AOPEP: variants seen among roughly 807,000 people sequenced by gnomAD.
AOPEP encodes the protein aminopeptidase O.
Under a neutral mutation model 98.1 loss-of-function variants are expected in AOPEP, and 77 were observed. That is an observed-to-expected ratio of 0.78 (90% CI 0.65 to 0.95). AOPEP has a LOEUF of 0.95. Among genes scored for constraint, AOPEP ranks in the 40% least tolerant of loss-of-function variants. AOPEP has a pLI of 0.00. For synonymous variants in AOPEP, 346 were observed against 365.3 expected, an observed-to-expected ratio of 0.95 and a Z score of 0.60; for missense variants, 1,024 against 1,024.7, an observed-to-expected ratio of 1.00 and a Z score of 0.01.
intron 7 of AOPEP, among the ~76,000 whole-genome samples, chr9:94,940,815 G>A (rs117025261): frequency 7.2e-4 from 109 of 152,046 alleles, no homozygotes; most frequent in African/African-American, 2.4e-3. Flanking sequence ...CCTCATGTCC[G>A]CATGGCTCTG....
At chr9:94,883,473 C>T (rs1198222748) in intron 5 of AOPEP, among the ~76,000 whole-genome samples, 1 of 152,144 alleles carries the variant, frequency 6.6e-6, no homozygotes, top group East Asian at 1.9e-4. Flanking sequence ...GAACAGTTGG[C>T]TGCCTGTCAA....
At chr9:94,871,759 C>A (rs912439882) in intron 5 of AOPEP, among the ~76,000 whole-genome samples, 4 of 152,148 alleles carry the variant, frequency 2.6e-5, no homozygotes, top group African/African-American at 9.7e-5. Flanking sequence ...GTAATCCCAG[C>A]ACTTTCAGAG....
intron 3 of AOPEP, among the ~76,000 whole-genome samples, chr9:94,779,083 A>C (rs1178932854): frequency 6.6e-6 from 1 of 152,068 alleles, no homozygotes; most frequent in Non-Finnish European, 1.5e-5. Flanking sequence ...TTTAGGTGTC[A>C]ACTTGACTGG....
the AOPEP span, among the ~76,000 whole-genome samples, chr9:95,148,110 C>A: frequency 2.0e-5 from 3 of 152,206 alleles, no homozygotes; most frequent in African/African-American, 7.2e-5. Flanking sequence ...CACCACCACA[C>A]ACACACAGTC....
intron 13 of AOPEP, among the ~76,000 whole-genome samples, chr9:95,026,230 C>T (rs1008591853): frequency 2.0e-5 from 3 of 152,156 alleles, no homozygotes; most frequent in Non-Finnish European, 4.4e-5. Context: ...ATTTACGTGC[C>T]ATAAACAATT....
the AOPEP span, among the ~76,000 whole-genome samples, chr9:95,136,802 A>T: frequency 6.6e-6 from 1 of 152,200 alleles, no homozygotes; most frequent in African/African-American, 2.4e-5. Context: ...CATTTTGTGT[A>T]GCTACATTTG....
chr9:95,005,439 G>T, intron 12 of AOPEP, 103 bp from the exon 13 acceptor site: 3 of 1,203,842 alleles, frequency 2.5e-6, no homozygotes, highest in Non-Finnish European at 2.5e-6. Flanking sequence ...GAGGTGCGGG[G>T]AAGACCAGGT....
intron 3 of AOPEP, among the ~76,000 whole-genome samples, chr9:94,789,904 C>T (rs1014871287): frequency 1.4e-4 from 21 of 150,710 alleles, no homozygotes; most frequent in Non-Finnish European, 2.1e-4. Flanking sequence ...GACGGAGTCT[C>T]GCTCTGTGGC....
Position 95,082,678 on chromosome 9 carries a change from GGTCCT to G in AOPEP, c.2424_2428del (p.Arg808SerfsTer26). ...GAGCGGACCAAGGAGCAGATGGATA[GGTCCT>G]CAGCCCAGGTGGTGGCCGAAATGTT... is the stretch of plus-strand genomic sequence containing the variant. On this transcript the variant is annotated frameshift_variant, in exon 16 of 17. Transcript: ENST00000375315. LOFTEE classifies it high-confidence loss of function. 1 of 1,614,250 alleles carries G rather than the reference GGTCCT, an allele frequency of 6.2e-7. No homozygotes were observed. The highest frequency in any genetic ancestry group is 8.5e-7 in the Non-Finnish European group (1 of 1,180,042).
At chr9:95,139,237 G>A in the AOPEP span, among the ~76,000 whole-genome samples, 4 of 152,148 alleles carry the variant, frequency 2.6e-5, no homozygotes, top group East Asian at 1.9e-4. Context: ...GAAACGCACC[G>A]ACGTGGTCTC....
chr9:94,790,164 C>T (rs1271750668), intron 3 of AOPEP, among the ~76,000 whole-genome samples: 6 of 151,500 alleles, frequency 4.0e-5, no homozygotes, highest in East Asian at 2.0e-4. Flanking sequence ...CGTGAGCCAC[C>T]GCGCCCGGCC....
intron 4 of AOPEP, among the ~76,000 whole-genome samples, chr9:94,799,431 G>A (rs1384148017): frequency 1.3e-5 from 2 of 151,970 alleles, no homozygotes; most frequent in Middle Eastern, 3.4e-3. Context: ...GCTGGATGTG[G>A]CATGGCAACA....
intron 13 of AOPEP, among the ~76,000 whole-genome samples, chr9:95,005,820 A>G (rs114534762): frequency 0.016 from 2,453 of 152,350 alleles, 67 homozygotes; most frequent in African/African-American, 0.055. Context: ...AGGAGAGAGT[A>G]GCCCATGAAA....
intron 2 of AOPEP, among the ~76,000 whole-genome samples, chr9:94,765,392 G>A (rs1352025970): frequency 1.3e-5 from 2 of 149,800 alleles, no homozygotes; most frequent in East Asian, 2.0e-4. Flanking sequence ...TTGAGTTGAG[G>A]AGTTCAAGAC....
the AOPEP span, among the ~76,000 whole-genome samples, chr9:95,098,636 G>A: frequency 6.6e-6 from 1 of 152,208 alleles, no homozygotes. Context: ...CCTCCCAGAG[G>A]GGCCTGTGGG....
At chr9:95,028,852 T>G (rs2064058213) in intron 13 of AOPEP, among the ~76,000 whole-genome samples, 1 of 152,234 alleles carries the variant, frequency 6.6e-6, no homozygotes. Context: ...TAGAGCATTG[T>G]ATTAGAATTT....
chr9:95,084,466 A>G (rs1373964219), intron 16 of AOPEP, among the ~76,000 whole-genome samples: 1 of 152,226 alleles, frequency 6.6e-6, no homozygotes, highest in Non-Finnish European at 1.5e-5. Flanking sequence ...CTGGCGGCAC[A>G]CAGACTGTGC....
intron 13 of AOPEP, among the ~76,000 whole-genome samples, chr9:95,029,687 T>C (rs1206750859): frequency 6.6e-6 from 1 of 152,236 alleles, no homozygotes; most frequent in Non-Finnish European, 1.5e-5. Flanking sequence ...TGTAAGCATC[T>C]TCTCCAGCAG....
rs533268320 is a variant in AOPEP at position 94,893,048 on chromosome 9, A to G, written c.1365-30938A>G. Among the ~76,000 whole-genome samples, 5 of 152,318 alleles carry G rather than the reference A, an allele frequency of 3.3e-5. No homozygotes were observed. In the South Asian group the frequency reaches 1.0e-3, roughly 32 times the overall value. ...CTCTCTGCTTTGTATAATCAAATAT[A>G]TGACAGAATGATTGCATTTTTTAAG... On this transcript the variant is annotated intron_variant, in intron 5 of 16. Coordinates refer to ENST00000375315, the MANE Select transcript of AOPEP (RefSeq NM_001193329.3).
Sources: allele counts gnomAD v4.1 joint callset (sites outside exome capture counted in the v4.1 genomes callset), GRCh38; gene constraint gnomAD v4.1.1; transcripts MANE v1.5; gene names NCBI Gene and HGNC (gene_info 2026-07-23, HGNC 2026-07-21).